Variants in LRP1B observed in about 807,000 individuals in gnomAD.
LRP1B encodes the protein low-density lipoprotein receptor-related protein 1B.
A neutral mutation model predicts 556.6 loss-of-function variants in LRP1B; 217 were observed. The ratio of observed to expected loss-of-function variants is 0.39; its 90% CI spans 0.35 to 0.44. The LOEUF is 0.44. Ranked by LOEUF, LRP1B falls within the 20% of genes least tolerant of loss-of-function variation. The pLI, the probability that LRP1B is intolerant of heterozygous loss-of-function variation, is 1.00. For missense variants in LRP1B, 5,053 were observed against 5,620.8 expected (o/e 0.90, Z 3.23); for synonymous variants, 2,047 against 1,865.8 (o/e 1.10, Z -2.50).
At chr2:141,796,464 A>T (rs1558881307) in intron 2 of LRP1B, among the ~76,000 whole-genome samples, 1 of 151,906 alleles carries the variant, frequency 6.6e-6, no homozygotes, top group African/African-American at 2.4e-5. Flanking sequence ...CTCAATTTGG[A>T]TGCTATTATA....
chr2:141,109,012 A>C (rs1293198445), intron 7 of LRP1B, among the ~76,000 whole-genome samples: 2 of 152,190 alleles, frequency 1.3e-5, no homozygotes, highest in African/African-American at 4.8e-5. Flanking sequence ...AGGTTGCAAG[A>C]TTTGCAACTT....
Position 140,879,806 on chromosome 2 carries a change from C to T in LRP1B, c.4169+4011G>A, listed in dbSNP as rs932049224. Among the ~76,000 whole-genome samples the T allele has an allele frequency of 2.3e-4, 35 of 151,944 alleles. 1 individual carries two copies. The highest frequency in any genetic ancestry group is 2.3e-3 in the Admixed American group (35 of 15,228). On this transcript the variant is annotated intron_variant, in intron 25 of 90. Coordinates refer to ENST00000389484, the MANE Select transcript of LRP1B (RefSeq NM_018557.3). Reference sequence around the variant, plus strand: ...AAAAAGAAACTACAGTCTACAGATGCTGCAGTTCCTCCATTCATGGATTAG... The same window carrying T: ...AAAAAGAAACTACAGTCTACAGATGTTGCAGTTCCTCCATTCATGGATTAG...
In LRP1B at chr2:140,534,278, T is replaced by A. The variant is rs1441000068; in HGVS notation, c.7643-138A>T. The A allele has an allele frequency of 1.8e-5, 14 of 764,274 alleles. No individual in the cohort carries two copies. The East Asian group carries it at 3.9e-4, about 21-fold the overall frequency. 47.3% of individuals were successfully genotyped at this position (764,274 alleles called of 1,614,324 possible). A position where few individuals can be genotyped will look rare whatever the true frequency, so the allele number is the denominator to read the frequency against. ...CAAGTGCTGTGCCATATAATAGCTCTGGATTAGAATGTTTATGTGTTGTCA... is the reference window on the plus strand; with the variant it reads ...CAAGTGCTGTGCCATATAATAGCTCAGGATTAGAATGTTTATGTGTTGTCA... On this transcript the variant is annotated intron_variant, in intron 46 of 90. Transcript: ENST00000389484.
intron 1 of LRP1B, among the ~76,000 whole-genome samples, chr2:142,078,861 T>C (rs115803517): frequency 0.014 from 1,659 of 119,908 alleles, 27 homozygotes; most frequent in African/African-American, 0.043. Context: ...AAAAGCAATA[T>C]CTATGTAGTT....
chr2:141,631,916 T>TC (rs1385241936), intron 2 of LRP1B, among the ~76,000 whole-genome samples: 1 of 152,104 alleles, frequency 6.6e-6, no homozygotes, highest in Non-Finnish European at 1.5e-5. Flanking sequence ...ATTTTTCATT[T>TC]CTTTTTTTTT....
At chr2:141,372,926 G>C (rs534748104) in intron 3 of LRP1B, among the ~76,000 whole-genome samples, 1 of 151,888 alleles carries the variant, frequency 6.6e-6, no homozygotes, top group South Asian at 2.1e-4. Context: ...GTTCGTTCTT[G>C]TTTTTTCCAG....
At chr2:140,276,554 C>T (rs1008107860) in intron 84 of LRP1B, among the ~76,000 whole-genome samples, 1 of 151,668 alleles carries the variant, frequency 6.6e-6, no homozygotes, top group Non-Finnish European at 1.5e-5. Context: ...CAACAGCAGT[C>T]TATGTGATCA....
chr2:141,617,151 C>A (rs1688335066), intron 2 of LRP1B, among the ~76,000 whole-genome samples: 1 of 152,112 alleles, frequency 6.6e-6, no homozygotes, highest in African/African-American at 2.4e-5. Context: ...TGTCTGCCTT[C>A]CCAGTGGAAT....
rs199603968 is a variant in LRP1B, at chr2:140,700,482, T to C, written c.6567A>G (p.Leu2189=). 48 of 1,613,368 alleles carry C rather than the reference T, an allele frequency of 3.0e-5. No homozygotes were observed. The highest frequency in any genetic ancestry group is 1.0e-4 in the Admixed American group (6 of 59,880). The part of the protein sequence containing the change: ...GVTCLRHEGY[L]LYSGRTILKS... ...TTAATATTGTTCTTCCTGAATACAG[T>C]AAATAGCCTTCATGCCTCAGGCAAG... Residue 2189 remains leucine (L), a synonymous_variant, in exon 41 of 91, where the codon TTA becomes TTG. Coordinates refer to ENST00000389484, the MANE Select transcript of LRP1B (RefSeq NM_018557.3).
At chr2:141,054,682 A>T (rs976568382) in intron 10 of LRP1B, among the ~76,000 whole-genome samples, 7 of 151,970 alleles carry the variant, frequency 4.6e-5, no homozygotes, top group African/African-American at 1.7e-4. Flanking sequence ...TCATGGAGTG[A>T]ATTCACTCCC....
At chr2:140,951,799 C>T (rs1695722242) in intron 19 of LRP1B, 61 bp downstream of exon 19, 2 of 1,310,754 alleles carry the variant, frequency 1.5e-6, no homozygotes, top group Admixed American at 3.6e-5. Context: ...GAAAGCCAGG[C>T]AGTCCAGACC....
intron 10 of LRP1B, among the ~76,000 whole-genome samples, chr2:141,051,763 A>T: frequency 6.6e-6 from 1 of 151,958 alleles, no homozygotes; most frequent in East Asian, 1.9e-4. Context: ...TGCATGTTTG[A>T]ATTGCATGTG....
rs77450601 is a variant in LRP1B at position 141,244,440 on chromosome 2, T to C, written c.592+2786A>G. 4.9e-3 allele frequency among the ~76,000 whole-genome samples: 733 copies of C among 149,538 alleles called. 6 individuals are homozygous for C. Among genetic ancestry groups the C allele is most frequent in the African/African-American group, 0.017 (703 of 40,630 alleles). ...GGGAAAGTTAGGTTCTGGAGTCCAG[T>C]AGGGTAGAATTGTAAGGAAAAGAAG... On this transcript the variant is annotated intron_variant, in intron 5 of 90. Coordinates refer to ENST00000389484, the MANE Select transcript of LRP1B (RefSeq NM_018557.3).
intron 2 of LRP1B, among the ~76,000 whole-genome samples, chr2:141,798,671 C>T (rs1695902178): frequency 7.7e-6 from 1 of 130,014 alleles, no homozygotes; most frequent in African/African-American, 3.0e-5. Flanking sequence ...GGTGCCACTG[C>T]ACTCCAGCCT....
chr2:140,905,390 C>T (rs1694221845), intron 22 of LRP1B, among the ~76,000 whole-genome samples: 1 of 152,150 alleles, frequency 6.6e-6, no homozygotes, highest in African/African-American at 2.4e-5. Context: ...CCTGAACCTC[C>T]TCTTAGAGTA....
chr2:141,899,932 G>C (rs1699565714), intron 1 of LRP1B, among the ~76,000 whole-genome samples: 1 of 151,892 alleles, frequency 6.6e-6, no homozygotes, highest in East Asian at 1.9e-4. Context: ...TGTACTGACT[G>C]TGCACTCAAA....
intron 50 of LRP1B, 34 bp from the exon 51 acceptor site, chr2:140,514,806 T>A (rs781364841): frequency 1.3e-6 from 2 of 1,590,798 alleles, no homozygotes; most frequent in South Asian, 2.3e-5. Context: ...AAAAAAATAG[T>A]TTGAGACCGT....
intron 2 of LRP1B, among the ~76,000 whole-genome samples, chr2:141,635,457 A>G (rs1689080911): frequency 6.6e-6 from 1 of 152,150 alleles, no homozygotes; most frequent in Non-Finnish European, 1.5e-5. Context: ...AATTGTGAAT[A>G]TATCCTTTCT....
intron 63 of LRP1B, among the ~76,000 whole-genome samples, chr2:140,447,670 T>A (rs904233983): frequency 6.6e-6 from 1 of 152,118 alleles, no homozygotes; most frequent in Admixed American, 6.6e-5. Flanking sequence ...TATAATAACT[T>A]TTCCTTTGCA....
Sources: gnomAD v4.1 joint callset for allele counts (sites outside exome capture counted in the v4.1 genomes callset) on GRCh38, gnomAD v4.1.1 for gene constraint, MANE v1.5 for transcripts, NCBI Gene and HGNC (gene_info 2026-07-23, HGNC 2026-07-21) for gene names.